Variants in SGCD observed in about 807,000 individuals in gnomAD.
SGCD encodes sarcoglycan delta.
SGCD carries 18 observed loss-of-function variants against 36.6 expected under a neutral mutation model. The observed-to-expected ratio is 0.49, with a 90% CI of 0.34 to 0.73. The LOEUF (loss-of-function observed/expected upper bound fraction) is 0.73. Among genes scored for constraint, SGCD ranks in the 30% least tolerant of loss-of-function variants. The pLI is 0.01. For synonymous variants in SGCD, 133 were observed against 130.6 expected, an observed-to-expected ratio of 1.02 and a Z score of -0.12; for missense variants, 387 against 346.7, an observed-to-expected ratio of 1.12 and a Z score of -0.92.
chr5:155,880,925 G>GA (rs1441553254), intron 1 of SGCD, among the ~76,000 whole-genome samples: 2 of 152,046 alleles, frequency 1.3e-5, no homozygotes, highest in African/African-American at 4.8e-5. Context: ...TAGGTGAGCA[G>GA]AAAAATGCTT....
chr5:156,380,524 G>A lies in SGCD; in HGVS notation c.192+35847G>A, dbSNP rs191908513. ...AAATCTTAGCAAATGACTTGCATGA[G>A]GCATTGTGACTTACAAGGCTAGCAG... On this transcript the variant is annotated intron_variant, in intron 3 of 8. Coordinates refer to ENST00000337851, the MANE Select transcript of SGCD (RefSeq NM_000337.6). 3.9e-5 allele frequency among the ~76,000 whole-genome samples: 6 copies of A among 152,280 alleles called. No homozygotes were observed. The East Asian group carries it at 1.2e-3, about 29-fold the overall frequency.
intron 4 of SGCD, among the ~76,000 whole-genome samples, chr5:156,544,071 A>C (rs1216686615): frequency 2.0e-5 from 3 of 152,232 alleles, no homozygotes; most frequent in Non-Finnish European, 4.4e-5. Flanking sequence ...CACAGAAGTG[A>C]GGATGAGGAC....
intron 3 of SGCD, among the ~76,000 whole-genome samples, chr5:156,451,088 C>A (rs899668733): frequency 1.3e-5 from 2 of 151,358 alleles, no homozygotes; most frequent in Non-Finnish European, 2.9e-5. Flanking sequence ...TCCTCCCCTC[C>A]CCTCCCTTCC....
chr5:156,754,160 TG>T (rs1312125733), intron 7 of SGCD, among the ~76,000 whole-genome samples: 3 of 152,198 alleles, frequency 2.0e-5, no homozygotes, highest in Non-Finnish European at 2.9e-5. Context: ...CTCTCCGGCC[TG>T]GGTCCCTCCT....
chr5:156,716,974 T>C (rs563628049), intron 7 of SGCD, among the ~76,000 whole-genome samples: 3 of 152,250 alleles, frequency 2.0e-5, no homozygotes, highest in Non-Finnish European at 4.4e-5. Flanking sequence ...ACATGAGTCA[T>C]CTTTGTTTCT....
chr5:156,090,081 C>T lies in SGCD; in HGVS notation c.-281-27797C>T, dbSNP rs76724793. On this transcript the variant is annotated intron_variant, in intron 1 of 9. Transcript: ENST00000517913. Reference sequence around the variant, plus strand: ...CCACTTTGCAGCCATATGAGCTGTTCGATTTGCTTTGGCTTTTTGTGAGTC... The same window carrying T: ...CCACTTTGCAGCCATATGAGCTGTTTGATTTGCTTTGGCTTTTTGTGAGTC... 6.1e-3 allele frequency among the ~76,000 whole-genome samples: 922 copies of T among 152,204 alleles called. 4 individuals are homozygous for T. The highest frequency in any genetic ancestry group is 0.021 in the African/African-American group (867 of 41,536).
the SGCD span, among the ~76,000 whole-genome samples, chr5:155,790,655 T>G: frequency 6.6e-6 from 1 of 152,114 alleles, no homozygotes. Context: ...CTTCATTATA[T>G]TATAGAATTG....
At chr5:156,233,880 A>ATT (rs1765086299) in intron 3 of SGCD, among the ~76,000 whole-genome samples, 1 of 152,126 alleles carries the variant, frequency 6.6e-6, no homozygotes, top group Non-Finnish European at 1.5e-5. Flanking sequence ...GTGAGACCAC[A>ATT]TCTGTTTTTT....
chr5:156,041,553 G>A (rs1236236920), intron 1 of SGCD, among the ~76,000 whole-genome samples: 2 of 152,170 alleles, frequency 1.3e-5, no homozygotes, highest in Non-Finnish European at 2.9e-5. Context: ...CAGGATTGAA[G>A]TTATTCATTT....
rs142442102 is a variant in SGCD, at chr5:156,393,884, G to A, written c.192+49207G>A. The A allele has an allele frequency of 3.1e-5, 14 of 452,510 alleles. No individual in the cohort carries two copies. The East Asian group carries it at 7.0e-4, about 23-fold the overall frequency. The allele number at this position is 452,510 out of a possible 1,614,324, so 28.0% of individuals were successfully genotyped here. A position where few individuals can be genotyped will look rare whatever the true frequency, so the allele number is the denominator to read the frequency against. On this transcript the variant is annotated intron_variant, in intron 3 of 8. Coordinates refer to ENST00000337851, the MANE Select transcript of SGCD (RefSeq NM_000337.6). ...GCTGCTGGTGAGTTTTGTACTGTGG[G>A]TATGCCACTTAACAAATGTTGGTCG... is the stretch of plus-strand genomic sequence containing the variant.
At chr5:156,038,415 G>C (rs974328679) in intron 1 of SGCD, among the ~76,000 whole-genome samples, 10 of 151,768 alleles carry the variant, frequency 6.6e-5, no homozygotes, top group African/African-American at 2.4e-4. Flanking sequence ...CTGAAAAAAA[G>C]TCTATAATGT....
the SGCD span, among the ~76,000 whole-genome samples, chr5:155,840,588 TTGTG>T: frequency 1.0e-4 from 15 of 147,044 alleles, no homozygotes; most frequent in Admixed American, 2.7e-4. Flanking sequence ...TGCACCCGGC[TTGTG>T]TGTGTGTGTG....
chr5:156,452,583 C>T (rs1754068539), intron 3 of SGCD, among the ~76,000 whole-genome samples: 2 of 152,088 alleles, frequency 1.3e-5, no homozygotes, highest in South Asian at 4.1e-4. Flanking sequence ...TTTATAGCCA[C>T]CAAGTTTTTT....
chr5:156,404,335 C>CA (rs1220617237), intron 3 of SGCD, among the ~76,000 whole-genome samples: 1 of 152,190 alleles, frequency 6.6e-6, no homozygotes, highest in Non-Finnish European at 1.5e-5. Context: ...GTCAGTCTCA[C>CA]AAAATATTAG....
At chr5:156,295,521 C>G (rs1766870815) in intron 3 of SGCD, among the ~76,000 whole-genome samples, 2 of 151,884 alleles carry the variant, frequency 1.3e-5, no homozygotes, top group African/African-American at 4.8e-5. Flanking sequence ...TATTCTCTTT[C>G]TAGTTTCTTA....
At chr5:156,107,346 C>A (rs1761673343) in intron 1 of SGCD, among the ~76,000 whole-genome samples, 1 of 152,138 alleles carries the variant, frequency 6.6e-6, no homozygotes, top group Admixed American at 6.6e-5. Flanking sequence ...TGAAAAACAA[C>A]TTTACATAAA....
intron 1 of SGCD, among the ~76,000 whole-genome samples, chr5:155,978,300 C>T (rs1414091435): frequency 6.6e-6 from 1 of 152,182 alleles, no homozygotes; most frequent in Non-Finnish European, 1.5e-5. Flanking sequence ...TTTAGAAAAT[C>T]ATTCTGAATC....
At chr5:156,462,773 G>C (rs1754542467) in intron 3 of SGCD, among the ~76,000 whole-genome samples, 1 of 152,036 alleles carries the variant, frequency 6.6e-6, no homozygotes, top group South Asian at 2.1e-4. Context: ...TTTACATTAG[G>C]TTGGTACAAA....
chr5:155,761,849 A>G, the SGCD span, among the ~76,000 whole-genome samples: 1 of 152,012 alleles, frequency 6.6e-6, no homozygotes, highest in Non-Finnish European at 1.5e-5. Context: ...CCTCTCCATC[A>G]TCATCTTCAT....
Sources: gnomAD v4.1 joint callset for allele counts (sites outside exome capture counted in the v4.1 genomes callset) on GRCh38, gnomAD v4.1.1 for gene constraint, MANE v1.5 for transcripts, NCBI Gene and HGNC (gene_info 2026-07-23, HGNC 2026-07-21) for gene names.